The following SPEF2 variants were observed in gnomAD, a reference collection of about 807,000 sequenced individuals.
SPEF2 encodes sperm flagella and cilia-associated protein 2.
Under a neutral mutation model 224.6 loss-of-function variants are expected in SPEF2, and 187 were observed. The ratio of observed to expected loss-of-function variants is 0.83; its 90% CI spans 0.74 to 0.94. The LOEUF (loss-of-function observed/expected upper bound fraction) is 0.94, where lower values mean the gene tolerates loss of function less well. Ranked by LOEUF, SPEF2 falls within the 40% of genes least tolerant of loss-of-function variation. SPEF2 has a pLI of 0.00. For missense variants in SPEF2, 2,170 were observed against 2,135.6 expected (o/e 1.02, Z -0.32); for synonymous variants, 715 against 707.3 (o/e 1.01, Z -0.17).
chr5:35,803,115 T>A (rs565273586), intron 34 of SPEF2, among the ~76,000 whole-genome samples: 16 of 151,670 alleles, frequency 1.1e-4, no homozygotes, highest in African/African-American at 3.4e-4. Flanking sequence ...AGGAAAGAAG[T>A]GAAGAAGGAA....
At chr5:35,762,507 G>A (rs1440012268) in intron 25 of SPEF2, among the ~76,000 whole-genome samples, 3 of 152,052 alleles carry the variant, frequency 2.0e-5, no homozygotes, top group Non-Finnish European at 1.5e-5. Flanking sequence ...TTTTAGGCAC[G>A]GTAGACTGTG....
At chr5:35,652,368 A>G (rs1371449934) in intron 6 of SPEF2, among the ~76,000 whole-genome samples, 1 of 152,168 alleles carries the variant, frequency 6.6e-6, no homozygotes, top group African/African-American at 2.4e-5. Context: ...AACACACTTA[A>G]GTACAAATAT....
chr5:35,751,478 T>G (rs1749647930), intron 23 of SPEF2, among the ~76,000 whole-genome samples: 1 of 151,550 alleles, frequency 6.6e-6, no homozygotes, highest in Non-Finnish European at 1.5e-5. Flanking sequence ...AATAAGGTAA[T>G]TAATTAATTA....
chr5:35,731,194 C>A (rs547933405), intron 21 of SPEF2, among the ~76,000 whole-genome samples: 1 of 152,006 alleles, frequency 6.6e-6, no homozygotes, highest in African/African-American at 2.4e-5. Flanking sequence ...GAAATGAAGT[C>A]AAATTAATCA....
At chr5:35,742,840 TA>T (rs1747887900) in intron 23 of SPEF2, among the ~76,000 whole-genome samples, 1 of 151,942 alleles carries the variant, frequency 6.6e-6, no homozygotes, top group Non-Finnish European at 1.5e-5. Context: ...AGAAGGTTTT[TA>T]ATGTTTATAT....
intron 20 of SPEF2, among the ~76,000 whole-genome samples, chr5:35,725,371 CTAGAGGATA>C (rs1324745089): frequency 1.3e-5 from 2 of 152,042 alleles, no homozygotes; most frequent in Non-Finnish European, 2.9e-5. Context: ...AATTTAAGTC[CTAGAGGATA>C]TATTTTGCAA....
chr5:35,766,512 CT>C (rs1339077947), intron 26 of SPEF2, among the ~76,000 whole-genome samples: 3 of 151,960 alleles, frequency 2.0e-5, no homozygotes, highest in African/African-American at 7.2e-5. Flanking sequence ...CACTTTGTCA[CT>C]TCTGATGTTT....
chr5:35,771,609 G>A lies in SPEF2; in HGVS notation c.3802G>A (p.Val1268Met), dbSNP rs773118756. ...TGAAATATTGCTGTTACGCAACCAG[G>A]TGGCTGCTGAAATTCATCAGAGGCT... ...QQASLAVSHM[V>M]AAEIHQRLME... is the part of the protein sequence containing the mutation. The change falls in exon 27 of 37, where the codon GTG becomes ATG. Residue 1268 changes from valine (V) to methionine (M), a missense_variant and splice_region_variant. Physicochemically the swap from Val to Met is conservative, Grantham distance 21. Coordinates refer to ENST00000356031, the MANE Select transcript of SPEF2 (RefSeq NM_024867.4). The A allele has an allele frequency of 1.3e-6, 2 of 1,589,626 alleles. No homozygotes were observed. Among genetic ancestry groups the A allele is most frequent in the South Asian group, 2.3e-5 (2 of 85,800 alleles).
intron 34 of SPEF2, among the ~76,000 whole-genome samples, chr5:35,801,374 G>A (rs769188566): frequency 1.5e-4 from 23 of 152,164 alleles, no homozygotes; most frequent in African/African-American, 4.6e-4. Context: ...TTAGTTGGAT[G>A]TGGTGGTGTG....
At chr5:35,731,961 G>A (rs1231649977) in intron 21 of SPEF2, among the ~76,000 whole-genome samples, 1 of 152,128 alleles carries the variant, frequency 6.6e-6, no homozygotes, top group African/African-American at 2.4e-5. Flanking sequence ...GCAGGCAAAT[G>A]CCTAAATACT....
intron 21 of SPEF2, among the ~76,000 whole-genome samples, chr5:35,735,668 A>G (rs1435001777): frequency 6.6e-6 from 1 of 152,230 alleles, no homozygotes. Context: ...CGCAGCCAAT[A>G]AGGGAATAAT....
intron 7 of SPEF2, among the ~76,000 whole-genome samples, chr5:35,658,501 A>T (rs902201636): frequency 2.0e-5 from 3 of 152,242 alleles, no homozygotes; most frequent in African/African-American, 7.2e-5. Context: ...GATTTGTTTT[A>T]TAACTAGTAG....
chr5:35,676,616 C>G (rs1003182386), intron 10 of SPEF2, among the ~76,000 whole-genome samples: 1 of 151,952 alleles, frequency 6.6e-6, no homozygotes, highest in Non-Finnish European at 1.5e-5. Context: ...GTAATTCCAG[C>G]TACTTGGGAG....
intron 2 of SPEF2, among the ~76,000 whole-genome samples, chr5:35,630,378 C>G (rs943698502): frequency 1.3e-5 from 2 of 152,156 alleles, no homozygotes; most frequent in Non-Finnish European, 2.9e-5. Flanking sequence ...CATGAGGGCT[C>G]CATGCCTGCA....
intron 2 of SPEF2, among the ~76,000 whole-genome samples, chr5:35,639,123 A>G (rs1312419015): frequency 6.6e-6 from 1 of 152,202 alleles, no homozygotes; most frequent in Admixed American, 6.5e-5. Context: ...ACAAGGCTTA[A>G]CAATCTGAAC....
At chr5:35,724,367 C>T (rs556898196) in intron 20 of SPEF2, among the ~76,000 whole-genome samples, 1 of 152,012 alleles carries the variant, frequency 6.6e-6, no homozygotes, top group Non-Finnish European at 1.5e-5. Context: ...ATCTGTTTAT[C>T]AGACTGAAGT....
chr5:35,788,588 A>C, intron 30 of SPEF2: 1 of 702,962 alleles, frequency 1.4e-6, no homozygotes, highest in Non-Finnish European at 2.6e-6. Context: ...TCTGGCAATA[A>C]AAAATGCCAT....
chr5:35,653,764 G>A (rs1482044034), intron 6 of SPEF2, among the ~76,000 whole-genome samples: 1 of 151,842 alleles, frequency 6.6e-6, no homozygotes, highest in East Asian at 1.9e-4. Flanking sequence ...GACCAGCATG[G>A]TGAAACCCCT....
At chr5:35,721,019 T>A (rs1190865925) in intron 20 of SPEF2, among the ~76,000 whole-genome samples, 1 of 152,200 alleles carries the variant, frequency 6.6e-6, no homozygotes, top group East Asian at 1.9e-4. Context: ...ACCTTTTATA[T>A]CCCTTTACAA....
Sources: gnomAD v4.1 joint callset for allele counts (sites outside exome capture counted in the v4.1 genomes callset) on GRCh38, gnomAD v4.1.1 for gene constraint, MANE v1.5 for transcripts, NCBI Gene and HGNC (gene_info 2026-07-23, HGNC 2026-07-21) for gene names.